SGCE: variants seen among roughly 807,000 people sequenced by gnomAD.
SGCE encodes the protein sarcoglycan epsilon.
In SGCE, 26 loss-of-function variants were observed where a neutral mutation model predicts 57.8. That is an observed-to-expected ratio of 0.45 (90% CI 0.33 to 0.62). The LOEUF (loss-of-function observed/expected upper bound fraction) is 0.62, where lower values mean the gene tolerates loss of function less well. Among genes scored for constraint, SGCE ranks in the 20% least tolerant of loss-of-function variants. The pLI, the probability that SGCE is intolerant of heterozygous loss-of-function variation, is 0.02. For missense variants in SGCE, 468 were observed against 548.6 expected (o/e 0.85, Z 1.47); for synonymous variants, 183 against 189.5 (o/e 0.97, Z 0.28).
chr7:94,587,802 A>G, intron 10 of SGCE: 1 of 1,548,354 alleles, frequency 6.5e-7, no homozygotes, highest in Non-Finnish European at 8.7e-7. Context: ...AAGTTGTCAA[A>G]CGAAAATCTC....
At chr7:94,604,452 A>C (rs1475281056) in intron 5 of SGCE, among the ~76,000 whole-genome samples, 2 of 151,870 alleles carry the variant, frequency 1.3e-5, no homozygotes, top group Admixed American at 6.6e-5. Flanking sequence ...ATAAGGAAAA[A>C]CAAATTTGGA....
Position 94,656,006 on chromosome 7 carries a change from G to A in SGCE, c.93C>T (p.Gly31=), listed in dbSNP as rs748581376. 1.7e-5 allele frequency: 28 copies of A among 1,608,484 alleles called. No homozygotes were observed. The Admixed American group carries it at 3.2e-4, about 18-fold the overall frequency. The part of the protein sequence containing the change: ...GTRRMSPATT[G]TFLLTVYSIF... ...GCCACTAACCTGTCAGCAAGAATGT[G>A]CCAGTGGTCGCGGGGCTCATCCTGC... The change falls in exon 1 of 11, where the codon GGC becomes GGT. Residue 31 remains glycine (G), a synonymous_variant. Coordinates refer to ENST00000648936, the MANE Select transcript of SGCE (RefSeq NM_003919.3).
In SGCE at chr7:94,644,424, G is replaced by C. The variant is rs192348671; in HGVS notation, c.109+11566C>G. On this transcript the variant is annotated intron_variant, in intron 1 of 10. Transcript: ENST00000648936. ...CCCAAACCTGAATAATTTGCTGACT[G>C]GGGGAGGAGAGGATTGCTATTTAAT... Among the ~76,000 whole-genome samples the C allele has an allele frequency of 6.6e-5, 10 of 152,316 alleles. No homozygotes were observed. In the East Asian group the frequency reaches 9.6e-4, roughly 15 times the overall value.
At chr7:94,609,653 G>A (rs1236413569) in intron 5 of SGCE, among the ~76,000 whole-genome samples, 1 of 152,178 alleles carries the variant, frequency 6.6e-6, no homozygotes, top group Non-Finnish European at 1.5e-5. Flanking sequence ...AAAGACAAAT[G>A]AAAACAGTGA....
intron 4 of SGCE, among the ~76,000 whole-genome samples, chr7:94,623,110 G>C (rs962790905): frequency 1.1e-4 from 17 of 152,156 alleles, no homozygotes; most frequent in Admixed American, 2.0e-4. Flanking sequence ...AGGACTATCT[G>C]TTTGGCTTCC....
chr7:94,654,829 ATC>A (rs1808362142), intron 1 of SGCE, among the ~76,000 whole-genome samples: 1 of 152,246 alleles, frequency 6.6e-6, no homozygotes, highest in Non-Finnish European at 1.5e-5. Flanking sequence ...AAAGCGTTTC[ATC>A]TGTGTTTCAG....
chr7:94,651,688 T>C (rs1807891195), intron 1 of SGCE, among the ~76,000 whole-genome samples: 1 of 152,242 alleles, frequency 6.6e-6, no homozygotes, highest in African/African-American at 2.4e-5. Flanking sequence ...ATGGAAATGG[T>C]TGTTCCAGAG....
At chr7:94,604,676 T>A (rs914413426) in intron 5 of SGCE, among the ~76,000 whole-genome samples, 1 of 151,206 alleles carries the variant, frequency 6.6e-6, no homozygotes, top group African/African-American at 2.4e-5. Context: ...AAAAACTGGA[T>A]ATCCACATAT....
chr7:94,654,154 C>T (rs1272606453), intron 1 of SGCE, among the ~76,000 whole-genome samples: 1 of 151,992 alleles, frequency 6.6e-6, no homozygotes, highest in African/African-American at 2.4e-5. Context: ...AGGGTTTTCT[C>T]TCCTGAATTT....
chr7:94,587,864 C>T lies in SGCE; in HGVS notation c.1297+825G>A. ...GAAGATAATTTCTGAATGAAAACAT[C>T]CAACACATTTCTGAATGTGCCTGAA... On this transcript the variant is annotated intron_variant, in intron 10 of 10. Coordinates refer to ENST00000648936, the MANE Select transcript of SGCE (RefSeq NM_003919.3). The T allele has an allele frequency of 5.2e-6, 8 of 1,524,136 alleles. No homozygotes were observed. The South Asian group carries it at 1.0e-4, about 20-fold the overall frequency. 94.4% of individuals were successfully genotyped at this position (1,524,136 alleles called of 1,614,324 possible).
intron 1 of SGCE, among the ~76,000 whole-genome samples, chr7:94,630,985 C>T (rs1207947851): frequency 6.6e-6 from 1 of 151,906 alleles, no homozygotes; most frequent in East Asian, 1.9e-4. Context: ...GGATGGCTGC[C>T]AGAAAAGGGG....
chr7:94,585,456 A>G lies in SGCE; in HGVS notation c.*43T>C, dbSNP rs1251180943. The stretch of plus-strand genomic sequence containing the variant: ...AAAAGAAATGTGATGTAACTGCTAT[A>G]TTGTCTGATTATAAATTCATTGCTT... On this transcript the variant is annotated 3_prime_UTR_variant, in exon 11 of 11. Coordinates refer to ENST00000648936, the MANE Select transcript of SGCE (RefSeq NM_003919.3). The G allele has an allele frequency of 3.2e-6, 5 of 1,571,986 alleles. No individual in the cohort carries two copies. The highest frequency in any genetic ancestry group is 3.5e-6 in the Non-Finnish European group (4 of 1,142,028).
At chr7:94,628,447 AT>A (rs1178596107) in intron 2 of SGCE, 88 bp from the exon 3 acceptor site, 25 of 1,205,450 alleles carry the variant, frequency 2.1e-5, no homozygotes, top group Non-Finnish European at 3.0e-5. Context: ...TCTGTCTAAA[AT>A]TTTTTTCTTA....
At chr7:94,599,070 G>A (rs1264275866) in intron 8 of SGCE, 107 bp from the exon 9 acceptor site, 3 of 787,062 alleles carry the variant, frequency 3.8e-6, no homozygotes, top group Non-Finnish European at 6.2e-6. Context: ...AAAATAATAA[G>A]ACATTATGGC....
chr7:94,630,052 T>C (rs1336239782), intron 1 of SGCE, among the ~76,000 whole-genome samples: 1 of 151,990 alleles, frequency 6.6e-6, no homozygotes, highest in Admixed American at 6.6e-5. Context: ...TGATTTGTGT[T>C]TACAGCCTTT....
intron 5 of SGCE, among the ~76,000 whole-genome samples, chr7:94,609,103 A>G (rs1455211642): frequency 1.3e-5 from 2 of 152,264 alleles, no homozygotes; most frequent in Non-Finnish European, 2.9e-5. Flanking sequence ...CTTCTGCAAA[A>G]GACACTGCCA....
intron 5 of SGCE, among the ~76,000 whole-genome samples, chr7:94,612,416 T>A (rs1801176968): frequency 6.6e-6 from 1 of 152,202 alleles, no homozygotes; most frequent in Admixed American, 6.6e-5. Flanking sequence ...TGCAATAATC[T>A]CTAAAATATA....
chr7:94,606,015 G>C (rs905676348), intron 5 of SGCE, among the ~76,000 whole-genome samples: 5 of 151,952 alleles, frequency 3.3e-5, no homozygotes, highest in Non-Finnish European at 5.9e-5. Context: ...TTTCGGTAGA[G>C]ATGGGTTTTC....
At chr7:94,613,805 T>C (rs1801437557) in intron 5 of SGCE, among the ~76,000 whole-genome samples, 2 of 152,172 alleles carry the variant, frequency 1.3e-5, no homozygotes, top group Admixed American at 6.6e-5. Flanking sequence ...AATATGTCCA[T>C]ATATGTTACA....
Sources: gnomAD v4.1 joint callset for allele counts (sites outside exome capture counted in the v4.1 genomes callset) on GRCh38, gnomAD v4.1.1 for gene constraint, MANE v1.5 for transcripts, NCBI Gene and HGNC (gene_info 2026-07-23, HGNC 2026-07-21) for gene names.